The following WWOX variants were observed in gnomAD, a reference collection of about 807,000 sequenced individuals.
WWOX encodes the protein WW domain-containing oxidoreductase.
Under a neutral mutation model 46.2 loss-of-function variants are expected in WWOX, and 69 were observed. That is an observed-to-expected ratio of 1.49 (90% CI 1.23 to 1.82). WWOX has a LOEUF of 1.82. WWOX is among the 40% of genes most tolerant of loss of function. The probability of loss-of-function intolerance (pLI) is 0.00; values close to 1 mark genes in which losing one functional copy is unlikely to be tolerated. For synonymous variants in WWOX, 359 were observed against 202.6 expected (o/e 1.77, Z -6.56); for missense variants, 919 against 542.6 (o/e 1.69, Z -6.89).
intron 8 of WWOX, among the ~76,000 whole-genome samples, chr16:78,874,348 A>G (rs1470706213): frequency 6.6e-6 from 1 of 151,846 alleles, no homozygotes; most frequent in Non-Finnish European, 1.5e-5. Flanking sequence ...AACAGACATG[A>G]TCTTGGGTGA....
intron 8 of WWOX, among the ~76,000 whole-genome samples, chr16:78,564,078 C>T (rs906395534): frequency 2.6e-5 from 4 of 152,194 alleles, no homozygotes; most frequent in African/African-American, 9.7e-5. Context: ...TCCATATTGC[C>T]CCAGCCAAGA....
At chr16:78,994,301 G>A (rs1292144548) in intron 8 of WWOX, 1 of 152,034 alleles carries the variant, frequency 6.6e-6, no homozygotes, top group Non-Finnish European at 1.5e-5. Flanking sequence ...TGAACATCAG[G>A]ACATAGACGT....
intron 8 of WWOX, among the ~76,000 whole-genome samples, chr16:78,989,322 G>C (rs781300131): frequency 1.3e-5 from 2 of 152,122 alleles, no homozygotes; most frequent in Non-Finnish European, 2.9e-5. Context: ...AAATACATTA[G>C]CTTATATATA....
At chr16:78,704,247 G>T (rs1336632609) in intron 8 of WWOX, among the ~76,000 whole-genome samples, 1 of 151,878 alleles carries the variant, frequency 6.6e-6, no homozygotes, top group Non-Finnish European at 1.5e-5. Context: ...CTTAGCATTT[G>T]ATGATCTCAA....
intron 8 of WWOX, among the ~76,000 whole-genome samples, chr16:78,723,019 G>T (rs915730678): frequency 2.0e-5 from 3 of 152,232 alleles, no homozygotes; most frequent in Admixed American, 2.0e-4. Context: ...TCCAGCCTGG[G>T]TGACAGAGCA....
chr16:78,735,339 A>G (rs976025563), intron 8 of WWOX, among the ~76,000 whole-genome samples: 1 of 151,682 alleles, frequency 6.6e-6, no homozygotes, highest in Admixed American at 6.6e-5. Flanking sequence ...TCCATTGGTC[A>G]TCAGGTTCTC....
At chr16:78,392,515 C>A (rs562826038) in intron 6 of WWOX, among the ~76,000 whole-genome samples, 50 of 152,176 alleles carry the variant, frequency 3.3e-4, no homozygotes, top group Non-Finnish European at 6.5e-4. Flanking sequence ...GTCCCAAAGC[C>A]ACCCCCACTC....
chr16:78,319,427 C>CT (rs999419991), intron 5 of WWOX, among the ~76,000 whole-genome samples: 8 of 152,104 alleles, frequency 5.3e-5, no homozygotes, highest in African/African-American at 1.7e-4. Context: ...GCCCGGCTAA[C>CT]TTTTTTGTAT....
chr16:79,105,225 C>G (rs1255859364), intron 8 of WWOX, among the ~76,000 whole-genome samples: 1 of 152,112 alleles, frequency 6.6e-6, no homozygotes, highest in Non-Finnish European at 1.5e-5. Flanking sequence ...TAACAGCAGT[C>G]TGCTATTGTT....
chr16:78,342,470 C>T lies in WWOX; in HGVS notation c.517-44390C>T, dbSNP rs74882098. 5.0e-5 allele frequency among the ~76,000 whole-genome samples: 6 copies of T among 118,828 alleles called. 1 individual carries two copies. The highest frequency in any genetic ancestry group is 8.0e-5 in the Non-Finnish European group (4 of 49,968). 78.0% of individuals were successfully genotyped at this position (118,828 alleles called of 152,430 possible). On this transcript the variant is annotated intron_variant, in intron 5 of 8. Coordinates refer to ENST00000566780, the MANE Select transcript of WWOX (RefSeq NM_016373.4). The stretch of plus-strand genomic sequence containing the variant: ...AGCATTTTTTATGGGCAGGTTTGCA[C>T]GTGGCATTTGTTGCTTCCATCAACA...
intron 8 of WWOX, chr16:78,996,391 C>T (rs1334448326): frequency 9.3e-6 from 8 of 863,826 alleles, no homozygotes; most frequent in Non-Finnish European, 1.1e-5. Flanking sequence ...CGCCCCCCAG[C>T]TTCCCCACCT....
At chr16:79,064,040 A>G (rs2048399910) in intron 8 of WWOX, among the ~76,000 whole-genome samples, 1 of 152,248 alleles carries the variant, frequency 6.6e-6, no homozygotes, top group African/African-American at 2.4e-5. Context: ...TAGAAGCCTC[A>G]GAAGTGTGCA....
chr16:78,241,099 C>T (rs2037630165), intron 5 of WWOX: 1 of 152,264 alleles, frequency 6.6e-6, no homozygotes, highest in East Asian at 1.9e-4. Context: ...TCCACCAACA[C>T]TGGCCTTGGG....
chr16:78,481,628 G>A (rs1264436747), intron 8 of WWOX, among the ~76,000 whole-genome samples: 2 of 128,750 alleles, frequency 1.6e-5, no homozygotes, highest in African/African-American at 6.5e-5. Flanking sequence ...CTAGTTGATG[G>A]AATTGTGAAA....
chr16:78,679,083 C>G (rs1418883274), intron 8 of WWOX, among the ~76,000 whole-genome samples: 2 of 152,212 alleles, frequency 1.3e-5, no homozygotes, highest in African/African-American at 2.4e-5. Context: ...TTTGGTGAAG[C>G]TGAGGCTGGT....
chr16:78,444,368 G>T (rs1411934232), intron 8 of WWOX, among the ~76,000 whole-genome samples: 1 of 151,968 alleles, frequency 6.6e-6, no homozygotes, highest in Non-Finnish European at 1.5e-5. Flanking sequence ...TAATAGAACA[G>T]TTTAACTTGA....
chr16:78,419,634 A>G (rs942529862), intron 6 of WWOX, among the ~76,000 whole-genome samples: 13 of 146,132 alleles, frequency 8.9e-5, no homozygotes, highest in African/African-American at 3.3e-4. Flanking sequence ...GCAAAAAAAA[A>G]AAAAAAAAAA....
intron 5 of WWOX, among the ~76,000 whole-genome samples, chr16:78,204,461 T>C (rs1323290573): frequency 6.6e-6 from 1 of 152,208 alleles, no homozygotes; most frequent in East Asian, 1.9e-4. Flanking sequence ...AAGTTATTAT[T>C]GACTATAGTC....
chr16:79,210,883 C>G (rs16949960), intron 8 of WWOX, among the ~76,000 whole-genome samples: 2 of 152,158 alleles, frequency 1.3e-5, no homozygotes, highest in Non-Finnish European at 2.9e-5. Flanking sequence ...TTGCAACTTA[C>G]ATTTTGAAGT....
Sources: gnomAD v4.1 joint callset for allele counts (sites outside exome capture counted in the v4.1 genomes callset) on GRCh38, gnomAD v4.1.1 for gene constraint, MANE v1.5 for transcripts, NCBI Gene and HGNC (gene_info 2026-07-23, HGNC 2026-07-21) for gene names.